CASZ1: variants seen among roughly 807,000 people sequenced by gnomAD.
The protein encoded by CASZ1 is zinc finger protein castor homolog 1.
A neutral mutation model predicts 135.2 loss-of-function variants in CASZ1; 28 were observed. The ratio of observed to expected loss-of-function variants is 0.21; its 90% CI spans 0.15 to 0.28. The LOEUF (loss-of-function observed/expected upper bound fraction) is 0.28, where lower values mean the gene tolerates loss of function less well. Among genes scored for constraint, CASZ1 ranks in the 10% least tolerant of loss-of-function variants. The probability of loss-of-function intolerance (pLI) is 1.00; values close to 1 mark genes in which losing one functional copy is unlikely to be tolerated. For missense variants in CASZ1, 2,161 were observed against 2,453.3 expected, an observed-to-expected ratio of 0.88 and a Z score of 2.52; for synonymous variants, 1,068 against 1,073.4, an observed-to-expected ratio of 0.99 and a Z score of 0.10.
chr1:10,653,305 T>C, intron 11 of CASZ1, 72 bp downstream of exon 11: 2 of 1,485,972 alleles, frequency 1.3e-6, no homozygotes, highest in Non-Finnish European at 1.9e-6. Flanking sequence ...GACTCTGCTC[T>C]GCAGCCTGAG....
rs1639247820 is a variant in CASZ1, at chr1:10,709,688, G to A, written c.-76-4144C>T. ...AAAGCGAATCAAAGTGCTGCCCGGA[G>A]GACGGCTGGGGAGAGAAAGGCCCCA... On this transcript the variant is annotated intron_variant, in intron 2 of 20. Coordinates refer to ENST00000377022, the MANE Select transcript of CASZ1 (RefSeq NM_001079843.3). The surrounding 1 kb of genome is among the most constrained non-coding windows in gnomAD (Gnocchi z 5.1). Among the ~76,000 whole-genome samples the A allele has an allele frequency of 6.6e-6, 1 of 152,198 alleles. No individual in the cohort carries two copies. Among genetic ancestry groups the A allele is most frequent in the Non-Finnish European group, 1.5e-5 (1 of 68,028 alleles).
At chr1:10,650,815 C>T in intron 12 of CASZ1, 60 bp from the exon 13 acceptor site, 3 of 1,602,584 alleles carry the variant, frequency 1.9e-6, no homozygotes, top group South Asian at 1.1e-5. Context: ...CCCTGGGGCT[C>T]ACCTTCCCTG....
At chr1:10,736,376 G>A (rs1639798601) in intron 2 of CASZ1, among the ~76,000 whole-genome samples, 1 of 152,208 alleles carries the variant, frequency 6.6e-6, no homozygotes, top group Non-Finnish European at 1.5e-5. Flanking sequence ...ACCTTAGTGA[G>A]CAGCATGGCA....
chr1:10,662,130 C>A (rs1279227389), intron 5 of CASZ1, among the ~76,000 whole-genome samples: 2 of 151,754 alleles, frequency 1.3e-5, no homozygotes, highest in Admixed American at 6.6e-5. Context: ...CGCACACATG[C>A]ATTCGCATAC....
intron 2 of CASZ1, among the ~76,000 whole-genome samples, chr1:10,751,977 C>T (rs1640158983): frequency 1.3e-5 from 2 of 152,282 alleles, no homozygotes; most frequent in South Asian, 4.1e-4. Flanking sequence ...TGAGGGGTCA[C>T]CAGAGGGAGC....
chr1:10,659,639 A>G (rs908927888), intron 6 of CASZ1, 63 bp downstream of exon 6: 43 of 1,340,020 alleles, frequency 3.2e-5, no homozygotes, highest in Non-Finnish European at 4.4e-5. Context: ...CCTGGTGAGG[A>G]AGGAGGCCTC....
At chr1:10,737,154 C>T (rs1437570259) in intron 2 of CASZ1, among the ~76,000 whole-genome samples, 9 of 152,238 alleles carry the variant, frequency 5.9e-5, no homozygotes, top group East Asian at 3.8e-4. Context: ...AGCCACTGGG[C>T]GATCAATGAG....
chr1:10,658,394 G>T, intron 7 of CASZ1, 114 bp downstream of exon 7: 2 of 801,730 alleles, frequency 2.5e-6, no homozygotes, highest in South Asian at 1.5e-5. Flanking sequence ...GGGGATGGGA[G>T]GAGGCAGCTA....
intron 5 of CASZ1, chr1:10,661,167 G>C (rs1247467920): frequency 6.5e-6 from 1 of 154,650 alleles, no homozygotes; most frequent in Non-Finnish European, 1.4e-5. Flanking sequence ...TCAGCCAGGG[G>C]CGCAGGTGTG....
rs146191208 is a variant in CASZ1 at position 10,764,116 on chromosome 1, G to T, written c.-233-3259C>A. On this transcript the variant is annotated intron_variant, in intron 1 of 20. Transcript: ENST00000377022. ...GACCTCAGGTGATCGGCCTGCCTTG[G>T]CCTTCCAAAGTGCTGGGATTACAGG... Among the ~76,000 whole-genome samples the T allele has an allele frequency of 2.3e-3, 347 of 152,324 alleles. 1 individual carries two copies. The highest frequency in any genetic ancestry group is 4.1e-3 in the Non-Finnish European group (281 of 68,034).
intron 2 of CASZ1, among the ~76,000 whole-genome samples, chr1:10,744,283 G>A (rs750960462): frequency 2.0e-4 from 30 of 152,032 alleles, no homozygotes; most frequent in Admixed American, 5.9e-4. Context: ...GTCCTGGGGC[G>A]GGAACTTTGG....
chr1:10,662,071 G>A (rs199610707), intron 5 of CASZ1, among the ~76,000 whole-genome samples: 87 of 122,232 alleles, frequency 7.1e-4, no homozygotes, highest in Middle Eastern at 7.1e-3. Flanking sequence ...TAACACACAC[G>A]CATTCTCACA....
At chr1:10,655,588 A>T (rs951649030) in intron 9 of CASZ1, 61 bp downstream of exon 9, 6 of 1,503,754 alleles carry the variant, frequency 4.0e-6, no homozygotes, top group Non-Finnish European at 4.5e-6. Flanking sequence ...TGGGGGGCTC[A>T]GAGCCGGGAG....
At chr1:10,714,776 A>G (rs1639347470) in intron 2 of CASZ1, among the ~76,000 whole-genome samples, 1 of 152,128 alleles carries the variant, frequency 6.6e-6, no homozygotes, top group South Asian at 2.1e-4. Context: ...TGTCACTTCC[A>G]TTTATTCCTC....
At position 10,763,718 on chromosome 1, in the gene CASZ1, C is replaced by T. The variant is rs182744725; in HGVS notation, c.-233-2861G>A. On this transcript the variant is annotated intron_variant, in intron 1 of 20. Coordinates refer to ENST00000377022, the MANE Select transcript of CASZ1 (RefSeq NM_001079843.3). ...AGAGAGCGGGTCCTAATGATCTGCG[C>T]GTCTCCAGCATCTAGCACAACAGCT... 5.9e-5 allele frequency among the ~76,000 whole-genome samples: 9 copies of T among 152,304 alleles called. No homozygotes were observed. In the East Asian group the frequency reaches 1.2e-3, roughly 20 times the overall value.
rs754122507 is a variant in CASZ1, at chr1:10,639,110, C to CTCG, written c.5109_5111dup (p.Asp1703dup). 3 of 1,149,688 alleles carry CTCG rather than the reference C, an allele frequency of 2.6e-6. No homozygotes were observed. The highest frequency in any genetic ancestry group is 3.3e-6 in the Non-Finnish European group (3 of 908,278). 71.2% of individuals were successfully genotyped at this position (1,149,688 alleles called of 1,614,324 possible). ...CGTCGTCGTCGTCCTCGTCGTCGTCCTCGTCGTCGTCGTCCTCGTCGTCGT... is the reference window on the plus strand; with the variant it reads ...CGTCGTCGTCGTCCTCGTCGTCGTCCTCGTCGTCGTCGTCGTCCTCGTCGTCGT... On this transcript the variant is annotated inframe_insertion, in exon 21 of 21. Coordinates refer to ENST00000377022, the MANE Select transcript of CASZ1 (RefSeq NM_001079843.3). This position sits in a 1 kb window ranked among gnomAD's most constrained non-coding sequence, Gnocchi z 4.0.
chr1:10,722,838 G>T (rs1639525302), intron 2 of CASZ1, among the ~76,000 whole-genome samples: 1 of 152,230 alleles, frequency 6.6e-6, no homozygotes, highest in South Asian at 2.1e-4. Context: ...AGGGCTGCAT[G>T]GGGCAGACAC....
Position 10,653,708 on chromosome 1 carries a change from T to G in CASZ1, c.2349A>C (p.Ser783=), listed in dbSNP as rs284294. 14 of 1,591,180 alleles carry G rather than the reference T, an allele frequency of 8.8e-6. No individual in the cohort carries two copies. The highest frequency in any genetic ancestry group is 1.2e-5 in the Non-Finnish European group (14 of 1,168,438). Residue 783 remains serine (S), a synonymous_variant, in exon 11 of 21, where the codon TCA becomes TCC. Transcript: ENST00000377022. ...SGLLPQGLPG[S]IPLALALSNS... is the part of the protein sequence containing the mutation. Reference sequence around the variant, plus strand: ...TGGAGAGGGCCAGGGCCAGGGGGATTGAGCCAGGCAGGCCCTGGGGCAGCA... The same window carrying G: ...TGGAGAGGGCCAGGGCCAGGGGGATGGAGCCAGGCAGGCCCTGGGGCAGCA...
chr1:10,710,366 C>T (rs574610620), intron 2 of CASZ1, among the ~76,000 whole-genome samples: 30 of 152,268 alleles, frequency 2.0e-4, no homozygotes, highest in African/African-American at 7.2e-4. Context: ...AAAAGCTGGC[C>T]TCCCCACCCC....
Sources: gnomAD v4.1 joint callset for allele counts (sites outside exome capture counted in the v4.1 genomes callset) on GRCh38, gnomAD v4.1.1 for gene constraint, Gnocchi (gnomAD v3.1) non-coding constraint, MANE v1.5 for transcripts, NCBI Gene and HGNC (gene_info 2026-07-23, HGNC 2026-07-21) for gene names.